LYRM4: variants seen among roughly 807,000 people sequenced by gnomAD.
LYRM4 encodes LYR motif-containing protein 4.
Under a neutral mutation model 11.7 loss-of-function variants are expected in LYRM4, and 9 were observed. That is an observed-to-expected ratio of 0.77 (90% CI 0.46 to 1.34). The LOEUF (loss-of-function observed/expected upper bound fraction) is 1.34, where lower values mean the gene tolerates loss of function less well. LYRM4 is among the 40% of genes most tolerant of loss of function. The pLI is 0.00. For missense variants in LYRM4, 133 were observed against 112.5 expected, an observed-to-expected ratio of 1.18 and a Z score of -0.82; for synonymous variants, 42 against 40.4, an observed-to-expected ratio of 1.04 and a Z score of -0.15.
chr6:5,133,029 C>G (rs1401489982), intron 2 of LYRM4: 1 of 152,272 alleles, frequency 6.6e-6, no homozygotes, highest in South Asian at 2.1e-4. Flanking sequence ...AAGGTTCGCC[C>G]GCCTCCCCAA....
intron 2 of LYRM4, among the ~76,000 whole-genome samples, chr6:5,119,794 CAAAAAAAAAAAA>C (rs968606439): frequency 5.9e-5 from 1 of 16,888 alleles, no homozygotes; most frequent in African/African-American, 1.2e-4. Flanking sequence ...GTCTCCATAA[CAAAAAAAAAAAA>C]AAAAAAAAAA....
chr6:5,096,739 T>G, the LYRM4 span, among the ~76,000 whole-genome samples: 1 of 152,220 alleles, frequency 6.6e-6, no homozygotes, highest in Non-Finnish European at 1.5e-5. Context: ...TAGATTGTTG[T>G]GAGCACTGAG....
At chr6:5,054,761 G>A in the LYRM4 span, among the ~76,000 whole-genome samples, 1 of 152,080 alleles carries the variant, frequency 6.6e-6, no homozygotes, top group Non-Finnish European at 1.5e-5. Flanking sequence ...TTGACTCAGA[G>A]ACCTTAAGAC....
At chr6:5,193,263 T>G (rs193076532) in intron 2 of LYRM4, among the ~76,000 whole-genome samples, 1 of 152,212 alleles carries the variant, frequency 6.6e-6, no homozygotes, top group East Asian at 1.9e-4. Flanking sequence ...AGCTCTATTT[T>G]TAGCACCTCT....
At chr6:5,176,067 ATT>A (rs35408965) in intron 2 of LYRM4, among the ~76,000 whole-genome samples, 3 of 148,740 alleles carry the variant, frequency 2.0e-5, no homozygotes, top group African/African-American at 2.5e-5. Flanking sequence ...TACGCTATTA[ATT>A]TTTTTTTTTT....
At chr6:5,134,340 T>G (rs424006) in intron 2 of LYRM4, among the ~76,000 whole-genome samples, 142,345 of 152,244 alleles carry the variant, frequency 0.93, 66,655 homozygotes, top group African/African-American at 0.98. Context: ...CTTCAGCAAA[T>G]AAATTATAAG....
the LYRM4 span, among the ~76,000 whole-genome samples, chr6:5,047,937 C>T: frequency 6.6e-6 from 1 of 152,294 alleles, no homozygotes; most frequent in South Asian, 2.1e-4. Flanking sequence ...TCTGCTTCCT[C>T]CACCCTGAGG....
At chr6:5,187,523 T>C (rs113984437) in intron 2 of LYRM4, among the ~76,000 whole-genome samples, 3 of 152,146 alleles carry the variant, frequency 2.0e-5, no homozygotes, top group African/African-American at 7.2e-5. Context: ...AAACACCGCA[T>C]GTTCTTACTC....
At chr6:5,041,681 A>G in the LYRM4 span, among the ~76,000 whole-genome samples, 1 of 152,330 alleles carries the variant, frequency 6.6e-6, no homozygotes, top group East Asian at 1.9e-4. Context: ...TTTTTTTCCC[A>G]TTCCAGAACT....
At chr6:5,227,925 C>A (rs141051508) in intron 1 of LYRM4, among the ~76,000 whole-genome samples, 1 of 152,070 alleles carries the variant, frequency 6.6e-6, no homozygotes, top group Admixed American at 6.6e-5. Flanking sequence ...TAAGTGGGAG[C>A]TGAACAATGA....
At chr6:5,198,639 C>T (rs989610609) in intron 2 of LYRM4, among the ~76,000 whole-genome samples, 2 of 152,186 alleles carry the variant, frequency 1.3e-5, no homozygotes, top group African/African-American at 4.8e-5. Flanking sequence ...AACCTCATTG[C>T]CCAGTAATAC....
At chr6:5,070,927 C>G in the LYRM4 span, among the ~76,000 whole-genome samples, 2 of 147,708 alleles carry the variant, frequency 1.4e-5, no homozygotes, top group African/African-American at 2.5e-5. Context: ...TGCGGTGGCT[C>G]ACACCTGTAA....
intron 2 of LYRM4, among the ~76,000 whole-genome samples, chr6:5,161,024 T>C (rs949779610): frequency 2.0e-5 from 3 of 152,210 alleles, no homozygotes; most frequent in Non-Finnish European, 4.4e-5. Context: ...GAATATGGTC[T>C]TGTTCCAAAC....
At chr6:5,169,335 C>T (rs963471263) in intron 2 of LYRM4, among the ~76,000 whole-genome samples, 4 of 152,098 alleles carry the variant, frequency 2.6e-5, no homozygotes, top group Admixed American at 1.3e-4. Context: ...AGAATAAGAA[C>T]AAAAGGAAGG....
chr6:5,034,383 A>G, the LYRM4 span: 1 of 152,354 alleles, frequency 6.6e-6, no homozygotes, highest in East Asian at 1.9e-4. Flanking sequence ...GTCCCATCCA[A>G]GTCTCATGTT....
At chr6:5,085,569 C>A in the LYRM4 span, 1 of 1,543,378 alleles carries the variant, frequency 6.5e-7, no homozygotes, top group Non-Finnish European at 8.7e-7. Context: ...AGGAGCTGCC[C>A]GCCCCGGTGG....
intron 1 of LYRM4, among the ~76,000 whole-genome samples, chr6:5,230,879 G>A (rs1763197927): frequency 6.6e-6 from 1 of 152,154 alleles, no homozygotes; most frequent in African/African-American, 2.4e-5. Context: ...CAAGGATGAT[G>A]AACTCAGCAC....
intron 2 of LYRM4, among the ~76,000 whole-genome samples, chr6:5,137,277 T>C (rs977090333): frequency 9.9e-5 from 15 of 152,264 alleles, no homozygotes; most frequent in Admixed American, 7.2e-4. Flanking sequence ...TTTTTGGCTA[T>C]TGCTAATAAG....
At chr6:5,043,992 C>T in the LYRM4 span, among the ~76,000 whole-genome samples, 1 of 152,220 alleles carries the variant, frequency 6.6e-6, no homozygotes, top group African/African-American at 2.4e-5. Flanking sequence ...TCCTGCTTCC[C>T]TGTGCGGCCC....
Sources: gnomAD v4.1 joint callset for allele counts (sites outside exome capture counted in the v4.1 genomes callset) on GRCh38, gnomAD v4.1.1 for gene constraint, MANE v1.5 for transcripts, NCBI Gene and HGNC (gene_info 2026-07-23, HGNC 2026-07-21) for gene names.